KMT2C: variants seen among roughly 807,000 people sequenced by gnomAD.
KMT2C encodes lysine methyltransferase 2C.
Under a neutral mutation model 507.9 loss-of-function variants are expected in KMT2C, and 88 were observed. That is an observed-to-expected ratio of 0.17 (90% CI 0.15 to 0.21). The LOEUF (loss-of-function observed/expected upper bound fraction) is 0.21. Among genes scored for constraint, KMT2C ranks in the 10% least tolerant of loss-of-function variants. The pLI, the probability that KMT2C is intolerant of heterozygous loss-of-function variation, is 1.00. For missense variants in KMT2C, 4,954 were observed against 5,957.8 expected, an observed-to-expected ratio of 0.83 and a Z score of 5.55; for synonymous variants, 2,049 against 2,080.8, an observed-to-expected ratio of 0.98 and a Z score of 0.42.
intron 23 of KMT2C, among the ~76,000 whole-genome samples, chr7:152,215,330 G>A (rs1338603573): frequency 6.6e-6 from 1 of 151,504 alleles, no homozygotes; most frequent in Non-Finnish European, 1.5e-5. Context: ...TGGCTAACAT[G>A]GTGAAACCCC....
intron 6 of KMT2C, among the ~76,000 whole-genome samples, chr7:152,279,835 T>G (rs2096168147): frequency 6.6e-6 from 1 of 152,386 alleles, no homozygotes; most frequent in South Asian, 2.1e-4. Context: ...ACAAATATAT[T>G]CTGAATCACA....
At chr7:152,221,523 TTAG>T (rs2094771186) in intron 22 of KMT2C, among the ~76,000 whole-genome samples, 2 of 152,350 alleles carry the variant, frequency 1.3e-5, no homozygotes, top group Non-Finnish European at 2.9e-5. Context: ...CTGTTGTTCC[TTAG>T]AACAATTCCT....
At chr7:152,323,096 C>G (rs2096786686) in intron 3 of KMT2C, among the ~76,000 whole-genome samples, 1 of 151,598 alleles carries the variant, frequency 6.6e-6, no homozygotes, top group Admixed American at 6.6e-5. Context: ...ATTAGTATAG[C>G]CATTATGGAA....
intron 1 of KMT2C, among the ~76,000 whole-genome samples, chr7:152,412,763 T>C (rs1022622441): frequency 1.2e-4 from 18 of 150,300 alleles, no homozygotes; most frequent in African/African-American, 4.4e-4. Context: ...TTAAATATTG[T>C]GGTGGGGGGG....
chr7:152,229,374 C>G (rs910786006), intron 18 of KMT2C, among the ~76,000 whole-genome samples: 1 of 152,090 alleles, frequency 6.6e-6, no homozygotes, highest in Non-Finnish European at 1.5e-5. Flanking sequence ...TATTTAAAAC[C>G]AAGCACACGA....
chr7:152,256,030 G>A (rs1026098000), intron 9 of KMT2C, among the ~76,000 whole-genome samples: 1 of 152,098 alleles, frequency 6.6e-6, no homozygotes, highest in Non-Finnish European at 1.5e-5. Flanking sequence ...TTAGCTGGGC[G>A]TGGTGGCGCA....
chr7:152,318,494 G>T (rs530435458), intron 3 of KMT2C, among the ~76,000 whole-genome samples: 4 of 148,190 alleles, frequency 2.7e-5, no homozygotes, highest in African/African-American at 9.9e-5. Flanking sequence ...GGCATTGATG[G>T]TGTGCGCCTG....
At chr7:152,368,108 C>T (rs1429633482) in intron 1 of KMT2C, 1 of 939,796 alleles carries the variant, frequency 1.1e-6, no homozygotes, top group Non-Finnish European at 1.8e-6. Context: ...GCTAGTAATA[C>T]TATCATTGAA....
intron 6 of KMT2C, among the ~76,000 whole-genome samples, chr7:152,302,430 G>C (rs1298277852): frequency 3.3e-5 from 5 of 151,830 alleles, no homozygotes; most frequent in Non-Finnish European, 1.5e-5. Context: ...CATCACATTG[G>C]CCAGGCTGGT....
At chr7:152,275,950 G>A (rs193186296) in intron 6 of KMT2C, among the ~76,000 whole-genome samples, 3 of 152,104 alleles carry the variant, frequency 2.0e-5, no homozygotes, top group African/African-American at 2.4e-5. Flanking sequence ...TATAATAACA[G>A]AAAGTAATTT....
At chr7:152,149,237 T>A in intron 51 of KMT2C, 85 bp from the exon 52 acceptor site, 1 of 1,326,794 alleles carries the variant, frequency 7.5e-7, no homozygotes, top group Non-Finnish European at 9.8e-7. Context: ...AGCTGAGCAG[T>A]ATGACTGAAG....
chr7:152,421,352 C>G (rs2097776241), intron 1 of KMT2C, among the ~76,000 whole-genome samples: 1 of 152,172 alleles, frequency 6.6e-6, no homozygotes, highest in African/African-American at 2.4e-5. Flanking sequence ...TCTCAAAGAA[C>G]TGAGAACTAC....
At chr7:152,254,162 T>C (rs28582564) in intron 9 of KMT2C, among the ~76,000 whole-genome samples, 2,734 of 152,052 alleles carry the variant, frequency 0.018, 91 homozygotes, top group African/African-American at 0.063. Context: ...AGAACTGTGG[T>C]GTCATCTACT....
chr7:152,312,716 C>T (rs145418969), intron 4 of KMT2C, among the ~76,000 whole-genome samples: 122 of 152,254 alleles, frequency 8.0e-4, no homozygotes, highest in African/African-American at 2.8e-3. Flanking sequence ...AGGTCTAACA[C>T]TTTAGGTATT....
chr7:152,345,844 AACCC>A (rs1397151172), intron 2 of KMT2C, among the ~76,000 whole-genome samples: 1 of 152,178 alleles, frequency 6.6e-6, no homozygotes, highest in Non-Finnish European at 1.5e-5. Context: ...TTAAAAAGAA[AACCC>A]AAGTACATAT....
intron 3 of KMT2C, among the ~76,000 whole-genome samples, chr7:152,325,489 C>G (rs1277613654): frequency 8.1e-5 from 12 of 147,808 alleles, no homozygotes; most frequent in Non-Finnish European, 6.0e-5. Flanking sequence ...GAGACAGGGT[C>G]TCACTATGTC....
At chr7:152,239,934 C>G (rs1231038140) in intron 14 of KMT2C, among the ~76,000 whole-genome samples, 1 of 149,030 alleles carries the variant, frequency 6.7e-6, no homozygotes, top group African/African-American at 2.5e-5. Flanking sequence ...AAGAATGTGA[C>G]TACTCTTGGG....
rs1168859507 is a variant in KMT2C at position 152,200,068 on chromosome 7, C to A, written c.4093-609G>T. ...CTCCAAAATTTCTCAAAAATCAATA[C>A]CAAAGACAAAAGGGAAGCACAGTTC... On this transcript the variant is annotated intron_variant, in intron 26 of 58. Coordinates refer to ENST00000262189, the MANE Select transcript of KMT2C (RefSeq NM_170606.3). Among the ~76,000 whole-genome samples, 3 of 152,150 alleles carry A rather than the reference C, an allele frequency of 2.0e-5. No individual in the cohort carries two copies. The South Asian group carries it at 6.2e-4, about 31-fold the overall frequency.
chr7:152,313,039 T>C (rs1198964137), intron 4 of KMT2C, among the ~76,000 whole-genome samples: 1 of 152,154 alleles, frequency 6.6e-6, no homozygotes, highest in Non-Finnish European at 1.5e-5. Flanking sequence ...TCAAACCATA[T>C]AAAAATAACC....
Sources: allele counts gnomAD v4.1 joint callset (sites outside exome capture counted in the v4.1 genomes callset), GRCh38; gene constraint gnomAD v4.1.1; transcripts MANE v1.5; gene names NCBI Gene and HGNC (gene_info 2026-07-23, HGNC 2026-07-21).